The following MRM1 variants were observed in gnomAD, a reference collection of about 807,000 sequenced individuals.
The protein encoded by MRM1 is rRNA methyltransferase 1, mitochondrial.
MRM1 carries 24 observed loss-of-function variants against 25.0 expected under a neutral mutation model. That is an observed-to-expected ratio of 0.96 (90% CI 0.69 to 1.35). The LOEUF (loss-of-function observed/expected upper bound fraction) is 1.35. MRM1 is among the 40% of genes most tolerant of loss of function. The pLI is 0.00. For synonymous variants in MRM1, 188 were observed against 199.2 expected (o/e 0.94, Z 0.47); for missense variants, 431 against 464.1 (o/e 0.93, Z 0.65).
At chr17:36,621,324 G>A in the MRM1 span, among the ~76,000 whole-genome samples, 1 of 152,012 alleles carries the variant, frequency 6.6e-6, no homozygotes, top group Non-Finnish European at 1.5e-5. Flanking sequence ...TGCAGACTCC[G>A]CATCTAGAAC....
At chr17:36,628,123 A>G in the MRM1 span, among the ~76,000 whole-genome samples, 3 of 152,252 alleles carry the variant, frequency 2.0e-5, no homozygotes, top group East Asian at 1.9e-4. Flanking sequence ...GCAAGTCAGG[A>G]GCTTCAATAC....
At chr17:36,626,935 A>T in the MRM1 span, among the ~76,000 whole-genome samples, 1 of 152,222 alleles carries the variant, frequency 6.6e-6, no homozygotes, top group African/African-American at 2.4e-5. Flanking sequence ...AGGCAAATGT[A>T]AATGGTGCCC....
At chr17:36,615,913 A>C in the MRM1 span, among the ~76,000 whole-genome samples, 21 of 151,978 alleles carry the variant, frequency 1.4e-4, no homozygotes, top group African/African-American at 4.8e-4. Flanking sequence ...GAATCACTTG[A>C]ACCTGGGAGG....
chr17:36,623,924 T>C, the MRM1 span, among the ~76,000 whole-genome samples: 1 of 152,196 alleles, frequency 6.6e-6, no homozygotes. Context: ...GGACCTGCAA[T>C]AGATCCCATG....
Position 36,607,796 on chromosome 17 carries a change from G to A in MRM1, c.763G>A (p.Val255Met). 5.0e-6 allele frequency: 8 copies of A among 1,613,912 alleles called. No homozygotes were observed. The highest frequency in any genetic ancestry group is 5.9e-6 in the Non-Finnish European group (7 of 1,179,994). ...CCTCTGGGAACGGCCTACTCTCCTT[G>A]TGCTGGGTAGGTGGATGTCCCTGCG... ...EFLWERPTLL[V>M]LGNEGSGLSQ... Residue 255 changes from valine (V) to methionine (M), a missense_variant, in exon 3 of 5, where the codon GTG becomes ATG. Physicochemically the swap from Val to Met is conservative, Grantham distance 21. Transcript: ENST00000614766.
the MRM1 span, among the ~76,000 whole-genome samples, chr17:36,620,769 T>C: frequency 1.3e-5 from 2 of 152,198 alleles, no homozygotes; most frequent in East Asian, 3.9e-4. Flanking sequence ...TCTTGTGCTT[T>C]GAAGCCTAGC....
chr17:36,630,642 A>G, the MRM1 span, among the ~76,000 whole-genome samples: 2 of 152,110 alleles, frequency 1.3e-5, no homozygotes, highest in Non-Finnish European at 2.9e-5. Context: ...TAGGGATAGG[A>G]GAGTGAGGTG....
At chr17:36,620,183 C>T in the MRM1 span, among the ~76,000 whole-genome samples, 28 of 152,046 alleles carry the variant, frequency 1.8e-4, no homozygotes, top group Non-Finnish European at 7.3e-5. Context: ...CCTGGATGCA[C>T]AGTTTACATT....
Position 36,607,774 on chromosome 17 carries a change from C to A in MRM1, c.741C>A (p.Leu247=), listed in dbSNP as rs1242492706. Residue 247 remains leucine (L), a synonymous_variant, in exon 3 of 5, where the codon CTC becomes CTA. Coordinates refer to ENST00000614766, the MANE Select transcript of MRM1 (RefSeq NM_024864.5). ...CCATCATGAGTTGCTTGGAGTTCCT[C>A]TGGGAACGGCCTACTCTCCTTGTGC... ...EIPIMSCLEF[L]WERPTLLVLG... 6.2e-7 allele frequency: 1 copy of A among 1,614,168 alleles called. No homozygotes were observed. Among genetic ancestry groups the A allele is most frequent in the African/African-American group, 1.3e-5 (1 of 75,054 alleles).
chr17:36,605,100 G>A (rs962386795), intron 2 of MRM1, among the ~76,000 whole-genome samples: 13 of 150,674 alleles, frequency 8.6e-5, no homozygotes, highest in African/African-American at 2.2e-4. Context: ...AGATCACAGC[G>A]TTGCACTCCA....
Position 36,602,093 on chromosome 17 carries a change from C to T in MRM1, c.283C>T (p.Arg95Trp). The T allele has an allele frequency of 6.2e-7, 1 of 1,611,084 alleles. No individual in the cohort carries two copies. The highest frequency in any genetic ancestry group is 8.5e-7 in the Non-Finnish European group (1 of 1,179,704). ...RAELLRMAEA[R>W]DIPVLRPRRQ... ...CGAGCTGCTCCGGATGGCCGAGGCGCGGGACATTCCAGTTCTGCGGCCCAG... is the reference window on the plus strand; with the variant it reads ...CGAGCTGCTCCGGATGGCCGAGGCGTGGGACATTCCAGTTCTGCGGCCCAG... The change falls in exon 1 of 5, where the codon CGG becomes TGG. Residue 95 changes from arginine (R) to tryptophan (W), a missense_variant. Arg to Trp is a moderately radical substitution (Grantham distance 101, BLOSUM62 -3). Transcript: ENST00000614766. The surrounding 1 kb of genome is among the most constrained non-coding windows in gnomAD (Gnocchi z 4.1).
chr17:36,632,316 G>A, the MRM1 span, among the ~76,000 whole-genome samples: 5 of 152,158 alleles, frequency 3.3e-5, no homozygotes, highest in African/African-American at 1.2e-4. Flanking sequence ...AAAGAGCCAG[G>A]AGAGCCAGCT....
chr17:36,606,910 TTTTTG>T (rs1225600140), intron 2 of MRM1, among the ~76,000 whole-genome samples: 3 of 139,394 alleles, frequency 2.2e-5, no homozygotes, highest in African/African-American at 8.2e-5. Flanking sequence ...TGCGCCTGGT[TTTTTG>T]TTTTTTTTTT....
intron 2 of MRM1, among the ~76,000 whole-genome samples, chr17:36,603,609 G>A (rs914552216): frequency 2.6e-5 from 4 of 151,826 alleles, no homozygotes; most frequent in South Asian, 2.1e-4. Flanking sequence ...ATGTTGGTCC[G>A]GCTGTTCTTG....
chr17:36,624,255 G>A, the MRM1 span, among the ~76,000 whole-genome samples: 27 of 152,232 alleles, frequency 1.8e-4, no homozygotes, highest in East Asian at 2.7e-3. This position sits in a 1 kb window ranked among gnomAD's most constrained non-coding sequence, Gnocchi z 4.0. Flanking sequence ...ACCAGCTGAC[G>A]GGGGAGAGGT....
the MRM1 span, among the ~76,000 whole-genome samples, chr17:36,620,992 G>A: frequency 1.3e-5 from 2 of 152,308 alleles, no homozygotes; most frequent in South Asian, 4.1e-4. Flanking sequence ...CTCAGCCATT[G>A]GCTGAGTGGC....
chr17:36,610,294 G>A (rs927484743), downstream of MRM1, among the ~76,000 whole-genome samples: 9 of 151,456 alleles, frequency 5.9e-5, no homozygotes, highest in African/African-American at 1.9e-4. Context: ...GTGCAGTGGC[G>A]CGATCTCGGC....
chr17:36,620,905 C>A, the MRM1 span, among the ~76,000 whole-genome samples: 14 of 152,330 alleles, frequency 9.2e-5, no homozygotes, highest in South Asian at 2.9e-3. Flanking sequence ...GTGCCTCCAT[C>A]GCCTGCCAGG....
chr17:36,623,669 G>C, the MRM1 span, among the ~76,000 whole-genome samples: 1 of 152,168 alleles, frequency 6.6e-6, no homozygotes, highest in Admixed American at 6.5e-5. Flanking sequence ...GCCCAGGTAG[G>C]GATGATGTGA....
Sources: allele counts gnomAD v4.1 joint callset (sites outside exome capture counted in the v4.1 genomes callset), GRCh38; gene constraint gnomAD v4.1.1; non-coding constraint Gnocchi (gnomAD v3.1); transcripts MANE v1.5; gene names NCBI Gene and HGNC (gene_info 2026-07-23, HGNC 2026-07-21).